The following PRELID2 variants were observed in gnomAD, a reference collection of about 807,000 sequenced individuals.
PRELID2 encodes the protein PRELI domain containing 2, also known as PRELI domain-containing protein 2.
Under a neutral mutation model 28.4 loss-of-function variants are expected in PRELID2, and 25 were observed. That is an observed-to-expected ratio of 0.88 (90% confidence interval 0.64 to 1.23). The LOEUF (loss-of-function observed/expected upper bound fraction) is 1.23, where lower values mean the gene tolerates loss of function less well. Ranked by LOEUF, PRELID2 falls within the 50% of genes most tolerant of loss-of-function variation. The probability of loss-of-function intolerance (pLI) is 0.00; values close to 1 mark genes in which losing one functional copy is unlikely to be tolerated. For synonymous variants in PRELID2, 76 were observed against 71.6 expected, an observed-to-expected ratio of 1.06 and a Z score of -0.31; for missense variants, 201 against 214.4, an observed-to-expected ratio of 0.94 and a Z score of 0.39.
In PRELID2 at chr5:145,606,501, G is replaced by A. The variant is rs117628727; in HGVS notation, n.71-133186C>T. ...AAGGGATGTTGAATTTTAAACAAAG[G>A]CTTTTCTGCCTCTATTGAGATAATG... On this transcript the variant is annotated intron_variant and non_coding_transcript_variant, in intron 1 of 2. Coordinates refer to the PRELID2 transcript ENST00000510259. 5.2e-4 allele frequency among the ~76,000 whole-genome samples: 79 copies of A among 152,140 alleles called. No individual in the cohort carries two copies. The East Asian group carries it at 0.013, about 25-fold the overall frequency.
At chr5:145,592,240 C>T (rs764798241) in intron 1 of PRELID2, among the ~76,000 whole-genome samples, 20 of 152,004 alleles carry the variant, frequency 1.3e-4, no homozygotes, top group Non-Finnish European at 2.1e-4. Context: ...TATGGCGAAA[C>T]CCCGTTTCTA....
At chr5:145,814,031 A>G (rs755139382) in intron 4 of PRELID2, among the ~76,000 whole-genome samples, 29 of 152,218 alleles carry the variant, frequency 1.9e-4, no homozygotes, top group Non-Finnish European at 3.7e-4. Context: ...AACAAACAAT[A>G]TCTCCAGGTA....
At chr5:145,807,037 T>G (rs1278890976) in intron 4 of PRELID2, among the ~76,000 whole-genome samples, 1 of 152,242 alleles carries the variant, frequency 6.6e-6, no homozygotes, top group Non-Finnish European at 1.5e-5. Flanking sequence ...TCAAGTATTA[T>G]GTATTGTATA....
At chr5:145,294,577 A>G in the PRELID2 span, among the ~76,000 whole-genome samples, 1 of 151,802 alleles carries the variant, frequency 6.6e-6, no homozygotes, top group Non-Finnish European at 1.5e-5. Context: ...TTCCTATATC[A>G]AGATTATTAA....
the PRELID2 span, among the ~76,000 whole-genome samples, chr5:145,415,168 T>C: frequency 2.0e-5 from 3 of 152,180 alleles, no homozygotes; most frequent in South Asian, 4.1e-4. Flanking sequence ...CAAATTAGAT[T>C]GAAAAATTTA....
the PRELID2 span, among the ~76,000 whole-genome samples, chr5:145,455,772 T>C: frequency 6.6e-6 from 1 of 152,190 alleles, no homozygotes; most frequent in African/African-American, 2.4e-5. Flanking sequence ...TAGGAATGCT[T>C]GTGATTTTGG....
At chr5:145,662,956 T>C (rs1021824275) in intron 1 of PRELID2, among the ~76,000 whole-genome samples, 4 of 152,136 alleles carry the variant, frequency 2.6e-5, no homozygotes, top group Non-Finnish European at 5.9e-5. Flanking sequence ...ACACCTGTAA[T>C]CGACAGTGAA....
intron 5 of PRELID2, among the ~76,000 whole-genome samples, chr5:145,775,239 CAA>C (rs373926928): frequency 7.1e-6 from 1 of 140,548 alleles, no homozygotes. Flanking sequence ...GACTCCATCT[CAA>C]AAAAAAAAAG....
the PRELID2 span, among the ~76,000 whole-genome samples, chr5:145,295,694 T>C: frequency 2.1e-4 from 32 of 152,304 alleles, no homozygotes; most frequent in African/African-American, 7.7e-4. Context: ...TGAAAACAGA[T>C]GTTCTAACTG....
chr5:145,235,162 GT>G, the PRELID2 span, among the ~76,000 whole-genome samples: 1 of 152,086 alleles, frequency 6.6e-6, no homozygotes, highest in Non-Finnish European at 1.5e-5. Context: ...GCATAAATAT[GT>G]ATATAAAAGC....
At chr5:145,600,704 T>A (rs1416476174) in intron 1 of PRELID2, among the ~76,000 whole-genome samples, 3 of 151,578 alleles carry the variant, frequency 2.0e-5, no homozygotes, top group Non-Finnish European at 4.4e-5. Flanking sequence ...CAATCAAAGA[T>A]CAGGAATTAC....
chr5:145,796,287 T>C lies in PRELID2; in HGVS notation c.474+155A>G, dbSNP rs1752740486. On this transcript the variant is annotated intron_variant, in intron 5 of 6. Coordinates refer to ENST00000683046, the MANE Select transcript of PRELID2 (RefSeq NM_205846.3). ...TTAGTTTTACTTTGATTTGAATTTA[T>C]GTAATAATTTTGAGGTTGATTATTT... 4.5e-6 allele frequency: 2 copies of C among 446,204 alleles called. No individual in the cohort carries two copies. Among genetic ancestry groups the C allele is most frequent in the Non-Finnish European group, 7.9e-6 (2 of 253,814 alleles). 27.6% of individuals were successfully genotyped at this position (446,204 alleles called of 1,614,324 possible).
At chr5:145,811,502 G>T (rs1382364717) in intron 4 of PRELID2, among the ~76,000 whole-genome samples, 3 of 152,066 alleles carry the variant, frequency 2.0e-5, no homozygotes, top group Admixed American at 1.3e-4. Flanking sequence ...CACCAGGCTG[G>T]TCTCGAACTC....
intron 1 of PRELID2, among the ~76,000 whole-genome samples, chr5:145,555,829 C>G (rs571218951): frequency 6.6e-6 from 1 of 152,244 alleles, no homozygotes; most frequent in East Asian, 1.9e-4. Flanking sequence ...TTCCTGATAA[C>G]TTTCTAGTTT....
intron 1 of PRELID2, among the ~76,000 whole-genome samples, chr5:145,719,991 C>T (rs1274114864): frequency 2.0e-5 from 3 of 150,896 alleles, no homozygotes; most frequent in East Asian, 3.9e-4. Context: ...TTACAAATTA[C>T]CCAAGGAATA....
the PRELID2 span, among the ~76,000 whole-genome samples, chr5:145,335,219 AT>A: frequency 6.6e-6 from 1 of 151,388 alleles, no homozygotes; most frequent in African/African-American, 2.4e-5. Flanking sequence ...GAGTTAACAG[AT>A]TCTTTCTTTC....
chr5:145,816,554 T>C (rs1235113858), intron 4 of PRELID2, among the ~76,000 whole-genome samples: 2 of 152,228 alleles, frequency 1.3e-5, no homozygotes, highest in Non-Finnish European at 2.9e-5. Flanking sequence ...AAGTGTCTTA[T>C]AGTTTTAACT....
the PRELID2 span, chr5:145,429,807 G>A: frequency 2.0e-5 from 3 of 152,152 alleles, no homozygotes; most frequent in African/African-American, 7.2e-5. Flanking sequence ...GTCACAATGT[G>A]CTCATTCTGG....
chr5:145,300,167 T>A, the PRELID2 span, among the ~76,000 whole-genome samples: 3 of 152,148 alleles, frequency 2.0e-5, no homozygotes, highest in African/African-American at 7.2e-5. Context: ...TCTAGCCATT[T>A]CAAATTTGCT....
Sources: gnomAD v4.1 joint callset for allele counts (sites outside exome capture counted in the v4.1 genomes callset) on GRCh38, gnomAD v4.1.1 for gene constraint, MANE v1.5 for transcripts, NCBI Gene and HGNC (gene_info 2026-07-23, HGNC 2026-07-21) for gene names.